The following ERBB4 variants were observed in gnomAD, a reference collection of about 807,000 sequenced individuals.
ERBB4 encodes erb-b2 receptor tyrosine kinase 4, also known as receptor tyrosine-protein kinase erbB-4.
Under a neutral mutation model 158.0 loss-of-function variants are expected in ERBB4, and 42 were observed. The observed-to-expected ratio is 0.27, with a 90% CI of 0.21 to 0.34. ERBB4 has a LOEUF of 0.34. ERBB4 is among the 10% of genes least tolerant of loss of function. The pLI is 1.00. For missense variants in ERBB4, 1,333 were observed against 1,624.1 expected (o/e 0.82, Z 3.08); for synonymous variants, 583 against 558.7 (o/e 1.04, Z -0.61).
In ERBB4 at chr2:211,794,254, T is replaced by C. The variant is rs2076335936; in HGVS notation, c.422-6095A>G. On this transcript the variant is annotated intron_variant, in intron 3 of 27. Coordinates refer to ENST00000342788, the MANE Select transcript of ERBB4 (RefSeq NM_005235.3). ...TGTTTCAGGTTTGAGTTCTAGCTCC[T>C]CTGAGAGGTTTGCTATGACCACCTA... Among the ~76,000 whole-genome samples the C allele has an allele frequency of 5.9e-5, 9 of 151,964 alleles. No individual in the cohort carries two copies. The South Asian group carries it at 1.9e-3, about 31-fold the overall frequency.
chr2:211,696,545 G>A (rs2106014373), intron 12 of ERBB4, among the ~76,000 whole-genome samples: 1 of 152,268 alleles, frequency 6.6e-6, no homozygotes, highest in South Asian at 2.1e-4. Flanking sequence ...GAGTTCTGCT[G>A]AGATTAAAAC....
intron 1 of ERBB4, among the ~76,000 whole-genome samples, chr2:212,231,662 C>G (rs1237906382): frequency 6.6e-6 from 1 of 152,144 alleles, no homozygotes; most frequent in Non-Finnish European, 1.5e-5. Context: ...CTGATAGAAG[C>G]ATATGACAAA....
At chr2:212,082,034 T>C (rs2078461109) in intron 2 of ERBB4, among the ~76,000 whole-genome samples, 1 of 152,102 alleles carries the variant, frequency 6.6e-6, no homozygotes, top group Non-Finnish European at 1.5e-5. Flanking sequence ...AAAGGATGAA[T>C]ACTTAGAATA....
intron 9 of ERBB4, among the ~76,000 whole-genome samples, chr2:211,707,862 G>C (rs1481640001): frequency 6.6e-6 from 1 of 151,926 alleles, no homozygotes; most frequent in East Asian, 1.9e-4. Flanking sequence ...AATATATTTT[G>C]TGGAGAAACT....
chr2:212,157,360 T>A (rs752753607), intron 1 of ERBB4, among the ~76,000 whole-genome samples: 6 of 152,096 alleles, frequency 3.9e-5, no homozygotes, highest in Non-Finnish European at 5.9e-5. Context: ...ACCCTTTTTA[T>A]TGTATTTATT....
intron 1 of ERBB4, among the ~76,000 whole-genome samples, chr2:212,209,901 T>C (rs2105923788): frequency 6.6e-6 from 1 of 152,204 alleles, no homozygotes; most frequent in South Asian, 2.1e-4. Flanking sequence ...CTTTCCTCAT[T>C]CAAACCAGTC....
chr2:212,397,913 T>A (rs796979453), intron 1 of ERBB4, among the ~76,000 whole-genome samples: 16 of 152,222 alleles, frequency 1.1e-4, no homozygotes, highest in African/African-American at 3.8e-4. Context: ...TGGGAGAAAC[T>A]GATAACTCTT....
At chr2:211,834,321 C>T (rs934093814) in intron 3 of ERBB4, among the ~76,000 whole-genome samples, 2 of 152,132 alleles carry the variant, frequency 1.3e-5, no homozygotes, top group African/African-American at 2.4e-5. Flanking sequence ...AAAGTCACTG[C>T]GACTGCTCAA....
chr2:211,744,012 G>A (rs1005209473), intron 5 of ERBB4, among the ~76,000 whole-genome samples: 16 of 152,194 alleles, frequency 1.1e-4, no homozygotes, highest in Admixed American at 3.3e-4. Context: ...AACACAGGAA[G>A]AGGGGAACAC....
intron 1 of ERBB4, among the ~76,000 whole-genome samples, chr2:212,340,011 A>G (rs1356066561): frequency 6.6e-6 from 1 of 151,842 alleles, no homozygotes; most frequent in African/African-American, 2.4e-5. Flanking sequence ...TTCAAAATGC[A>G]TTAACACTTT....
chr2:212,148,278 G>A (rs2080751001), intron 1 of ERBB4, among the ~76,000 whole-genome samples: 1 of 151,860 alleles, frequency 6.6e-6, no homozygotes, highest in African/African-American at 2.4e-5. Flanking sequence ...GCTGGATTCA[G>A]AAAATTGTAT....
intron 1 of ERBB4, among the ~76,000 whole-genome samples, chr2:212,227,910 A>G (rs1242006486): frequency 6.6e-6 from 1 of 152,154 alleles, no homozygotes; most frequent in Non-Finnish European, 1.5e-5. Context: ...ATTTACTGTG[A>G]TGCGACAGCA....
intron 3 of ERBB4, among the ~76,000 whole-genome samples, chr2:211,813,123 C>T (rs1336635076): frequency 4.6e-5 from 7 of 152,166 alleles, no homozygotes; most frequent in Non-Finnish European, 7.4e-5. Context: ...CTGTCTTCTG[C>T]GTCAATCACG....
intron 1 of ERBB4, among the ~76,000 whole-genome samples, chr2:212,193,022 A>G (rs2082319478): frequency 6.6e-6 from 1 of 152,188 alleles, no homozygotes; most frequent in African/African-American, 2.4e-5. Context: ...GAAAATTACA[A>G]TTAACGGCAG....
chr2:211,640,751 A>G (rs6435643), intron 16 of ERBB4, among the ~76,000 whole-genome samples: 146,743 of 152,246 alleles, frequency 0.96, 70,835 homozygotes, highest in East Asian at 1. Flanking sequence ...ACTGTTTTAA[A>G]AGTCCTCATG....
At chr2:212,361,093 G>A (rs1039334454) in intron 1 of ERBB4, among the ~76,000 whole-genome samples, 1 of 151,548 alleles carries the variant, frequency 6.6e-6, no homozygotes, top group Non-Finnish European at 1.5e-5. Flanking sequence ...TGTAGTCTCA[G>A]TATTATCCCA....
chr2:211,817,028 AC>A (rs2076893379), intron 3 of ERBB4, among the ~76,000 whole-genome samples: 1 of 152,222 alleles, frequency 6.6e-6, no homozygotes, highest in South Asian at 2.1e-4. Context: ...CTCACTAATT[AC>A]ATTCAGCCTG....
At chr2:211,983,057 C>A (rs1447322428) in intron 2 of ERBB4, among the ~76,000 whole-genome samples, 2 of 152,138 alleles carry the variant, frequency 1.3e-5, no homozygotes, top group Non-Finnish European at 2.9e-5. Flanking sequence ...ATCATGGAAT[C>A]TCAATTTTAT....
At chr2:212,064,303 G>A (rs1010767274) in intron 2 of ERBB4, among the ~76,000 whole-genome samples, 1 of 152,096 alleles carries the variant, frequency 6.6e-6, no homozygotes, top group Non-Finnish European at 1.5e-5. Context: ...TTTAAAATAT[G>A]GGCAGTGTAC....
Sources: gnomAD v4.1 joint callset for allele counts (sites outside exome capture counted in the v4.1 genomes callset) on GRCh38, gnomAD v4.1.1 for gene constraint, MANE v1.5 for transcripts, NCBI Gene and HGNC (gene_info 2026-07-23, HGNC 2026-07-21) for gene names.